PNPLA3: variants seen among roughly 807,000 people sequenced by gnomAD.
The protein encoded by PNPLA3 is 1-acylglycerol-3-phosphate O-acyltransferase PNPLA3.
Under a neutral mutation model 43.1 loss-of-function variants are expected in PNPLA3, and 42 were observed. That is an observed-to-expected ratio of 0.97 (90% CI 0.76 to 1.26). The LOEUF (loss-of-function observed/expected upper bound fraction) is 1.26, where lower values mean the gene tolerates loss of function less well. Among genes scored for constraint, PNPLA3 ranks in the 50% most tolerant of loss-of-function variants. The pLI is 0.00. For synonymous variants in PNPLA3, 272 were observed against 253.6 expected, an observed-to-expected ratio of 1.07 and a Z score of -0.69; for missense variants, 647 against 621.4, an observed-to-expected ratio of 1.04 and a Z score of -0.44.
At position 43,947,043 on chromosome 22, in the gene PNPLA3, T is replaced by A. The variant is rs1474962802; in HGVS notation, c.*661T>A. The A allele has an allele frequency of 8.6e-6, 2 of 233,628 alleles. No individual in the cohort carries two copies. Among genetic ancestry groups the A allele is most frequent in the Non-Finnish European group, 1.7e-5 (2 of 119,246 alleles). The allele number at this position is 233,628 out of a possible 1,614,324, so 14.5% of individuals were successfully genotyped here. ...TTTTGTATTATGTGAATCAGTGAGA[T>A]GTTAGTAGAATAAGCCTTAAAAAAA... On this transcript the variant is annotated 3_prime_UTR_variant, in exon 9 of 9. Coordinates refer to ENST00000216180, the MANE Select transcript of PNPLA3 (RefSeq NM_025225.3).
chr22:43,928,179 G>A (rs567072838), intron 2 of PNPLA3, among the ~76,000 whole-genome samples: 11 of 152,312 alleles, frequency 7.2e-5, no homozygotes, highest in South Asian at 2.1e-4. Flanking sequence ...GCAGCCTGGC[G>A]CGTCTAACCT....
In PNPLA3 at chr22:43,933,173, C is replaced by A. The variant is rs1603416406; in HGVS notation, c.696+86C>A. ...GCCAGGAGCTACCAGTTACTGTCTG[C>A]ACAATCAAACAGAAATAGACCTGTC... On this transcript the variant is annotated intron_variant, in intron 4 of 8. Coordinates refer to ENST00000216180, the MANE Select transcript of PNPLA3 (RefSeq NM_025225.3). 4.0e-6 allele frequency: 5 copies of A among 1,259,250 alleles called. No homozygotes were observed. In the East Asian group the frequency reaches 9.3e-5, roughly 23 times the overall value. The allele number at this position is 1,259,250 out of a possible 1,614,324, so 78.0% of individuals were successfully genotyped here.
Position 43,946,397 on chromosome 22 carries a change from C to G in PNPLA3, c.*15C>G, listed in dbSNP as rs368899768. ...AGAGTCTGTGAGTCACTTGAGGAGG[C>G]GAGTCTAGCAGATTCTTTCAGAGGT... On this transcript the variant is annotated 3_prime_UTR_variant, in exon 9 of 9. Coordinates refer to ENST00000216180, the MANE Select transcript of PNPLA3 (RefSeq NM_025225.3). 1.1e-5 allele frequency: 17 copies of G among 1,607,710 alleles called. No homozygotes were observed. In the African/African-American group the frequency reaches 2.3e-4, roughly 22 times the overall value.
At chr22:43,945,323 C>T (rs1486217626) in intron 8 of PNPLA3, among the ~76,000 whole-genome samples, 3 of 152,092 alleles carry the variant, frequency 2.0e-5, no homozygotes, top group South Asian at 2.1e-4. Context: ...TAGCAGTCTG[C>T]GTTGACAGGC....
In PNPLA3 at chr22:43,947,051, G is replaced by A. The variant is rs2050068375; in HGVS notation, c.*669G>A. The stretch of plus-strand genomic sequence containing the variant: ...TATGTGAATCAGTGAGATGTTAGTA[G>A]AATAAGCCTTAAAAAAAAAAAAATC... On this transcript the variant is annotated 3_prime_UTR_variant, in exon 9 of 9. Transcript: ENST00000216180. 4.9e-6 allele frequency: 1 copy of A among 204,532 alleles called. No homozygotes were observed. The highest frequency in any genetic ancestry group is 9.6e-6 in the Non-Finnish European group (1 of 104,674). The allele number at this position is 204,532 out of a possible 1,614,324, so 12.7% of individuals were successfully genotyped here.
intron 7 of PNPLA3, among the ~76,000 whole-genome samples, chr22:43,940,413 C>T (rs1200131407): frequency 6.6e-6 from 1 of 152,220 alleles, no homozygotes; most frequent in Non-Finnish European, 1.5e-5. Flanking sequence ...AAACTGAGGC[C>T]TGGAGAGCTT....
chr22:43,937,017 C>T lies in PNPLA3; in HGVS notation c.758-34C>T, dbSNP rs201840141. On this transcript the variant is annotated intron_variant, in intron 5 of 8. Coordinates refer to ENST00000216180, the MANE Select transcript of PNPLA3 (RefSeq NM_025225.3). The stretch of plus-strand genomic sequence containing the variant: ...GGGTAACGACCACCACTCCCACGTT[C>T]GCCTGATGGGCTTGTTTTCCGTGCC... 3.2e-5 allele frequency: 51 copies of T among 1,579,336 alleles called. No individual in the cohort carries two copies. The Admixed American group carries it at 5.7e-4, about 18-fold the overall frequency.
At chr22:43,933,399 G>T (rs771518352) in intron 4 of PNPLA3, among the ~76,000 whole-genome samples, 24 of 151,596 alleles carry the variant, frequency 1.6e-4, no homozygotes, top group Non-Finnish European at 2.5e-4. Context: ...TTTTTGGTTT[G>T]TTTTTGAGAC....
chr22:43,941,622 A>G (rs1342487492), intron 7 of PNPLA3, among the ~76,000 whole-genome samples: 2 of 152,156 alleles, frequency 1.3e-5, no homozygotes, highest in Non-Finnish European at 2.9e-5. Context: ...TGATCGTAAA[A>G]TTAGAGACAG....
intron 5 of PNPLA3, among the ~76,000 whole-genome samples, chr22:43,935,530 A>C (rs888283964): frequency 1.3e-5 from 2 of 152,124 alleles, no homozygotes; most frequent in Non-Finnish European, 2.9e-5. Flanking sequence ...GCCCAGGGGA[A>C]GAAGGGCCTC....
At chr22:43,929,202 G>A (rs563241835) in intron 3 of PNPLA3, among the ~76,000 whole-genome samples, 8 of 152,230 alleles carry the variant, frequency 5.3e-5, no homozygotes, top group South Asian at 2.1e-4. Context: ...TTGGCCAGGC[G>A]CGGTGGCTCA....
In PNPLA3 at chr22:43,924,012, C is replaced by G. The variant is rs538742792; in HGVS notation, c.101C>G (p.Pro34Arg). The change falls in exon 1 of 9, where the codon CCG becomes CGG. Residue 34 changes from proline (P) to arginine (R), a missense_variant. Physicochemically the swap from Pro to Arg is moderately radical, Grantham distance 103. Transcript: ENST00000216180. ...ACCCGCTGCCTGAGCGAGCACGCCC[C>G]GCACCTCCTCCGCGACGCGCGCATG... ...GATRCLSEHAPHLLRDARMLF... is the reference protein window; with the variant it reads ...GATRCLSEHARHLLRDARMLF... 6.1e-5 allele frequency: 96 copies of G among 1,584,368 alleles called. No homozygotes were observed. In the South Asian group the frequency reaches 9.8e-4, roughly 16 times the overall value.
intron 6 of PNPLA3, among the ~76,000 whole-genome samples, chr22:43,938,907 G>C (rs2050013363): frequency 6.6e-6 from 1 of 152,164 alleles, no homozygotes; most frequent in Non-Finnish European, 1.5e-5. Context: ...TGTGACGTTT[G>C]ATGTAGCTGT....
intron 6 of PNPLA3, among the ~76,000 whole-genome samples, chr22:43,938,875 G>A (rs2050013178): frequency 6.6e-6 from 1 of 152,232 alleles, no homozygotes; most frequent in South Asian, 2.1e-4. Flanking sequence ...TGCCTGAGAA[G>A]TACCTAGGAG....
Position 43,933,061 on chromosome 22 carries a change from A to G in PNPLA3, c.670A>G (p.Arg224Gly). The G allele has an allele frequency of 1.9e-6, 3 of 1,613,900 alleles. No individual in the cohort carries two copies. The highest frequency in any genetic ancestry group is 2.5e-6 in the Non-Finnish European group (3 of 1,180,016). ...CACAGGGAACCTCTACCTTCTCTCG[A>G]GAGCTTTTGTCCCCCCGGATCTCAA... The part of the protein sequence containing the change: ...LCTGNLYLLS[R>G]AFVPPDLKVL... Residue 224 changes from arginine (R) to glycine (G), a missense_variant, in exon 4 of 9, where the codon AGA (arginine) becomes GGA (glycine). Physicochemically the swap from Arg to Gly is moderately radical, Grantham distance 125 (BLOSUM62 -2). Coordinates refer to ENST00000216180, the MANE Select transcript of PNPLA3 (RefSeq NM_025225.3).
At position 43,939,859 on chromosome 22, in the gene PNPLA3, C is replaced by T. The variant is rs866969569; in HGVS notation, c.980-134C>T. 2.2e-4 allele frequency: 272 copies of T among 1,243,446 alleles called. 1 individual carries two copies. In the Middle Eastern group the frequency reaches 3.7e-3, roughly 17 times the overall value. 77.0% of individuals were successfully genotyped at this position (1,243,446 alleles called of 1,614,324 possible). Reference sequence around the variant, plus strand: ...AGCAGCTTGGCAAACCCCACCTTGTCGCTTTTGTGAGTGCCTCTGACCCTT... The same window carrying T: ...AGCAGCTTGGCAAACCCCACCTTGTTGCTTTTGTGAGTGCCTCTGACCCTT... On this transcript the variant is annotated intron_variant, in intron 6 of 8. Coordinates refer to ENST00000216180, the MANE Select transcript of PNPLA3 (RefSeq NM_025225.3).
chr22:43,934,560 G>T (rs2146782906), intron 4 of PNPLA3, 46 bp from the exon 5 acceptor site: 10 of 1,533,284 alleles, frequency 6.5e-6, no homozygotes, highest in East Asian at 2.3e-5. Flanking sequence ...AATAAATGGT[G>T]CTTGGTGTCT....
At position 43,934,676 on chromosome 22, in the gene PNPLA3, G is replaced by A. The variant is rs1330304187; in HGVS notation, c.757+10G>A. ...TTCTTGGAAGAGAAGGGTATGTATG[G>A]GCTGGGAGGATCAGCCATGCCCTTT... On this transcript the variant is annotated intron_variant, in intron 5 of 8. Coordinates refer to ENST00000216180, the MANE Select transcript of PNPLA3 (RefSeq NM_025225.3). The A allele has an allele frequency of 6.2e-7, 1 of 1,607,608 alleles. No homozygotes were observed. Among genetic ancestry groups the A allele is most frequent in the African/African-American group, 1.3e-5 (1 of 74,742 alleles).
intron 8 of PNPLA3, 33 bp from the exon 9 acceptor site, chr22:43,946,121 G>T: frequency 6.3e-7 from 1 of 1,597,278 alleles, no homozygotes; most frequent in East Asian, 2.2e-5. Flanking sequence ...CAGCGGGAAC[G>T]GCCTCTAAGC....
Sources: allele counts gnomAD v4.1 joint callset (sites outside exome capture counted in the v4.1 genomes callset), GRCh38; gene constraint gnomAD v4.1.1; transcripts MANE v1.5; gene names NCBI Gene and HGNC (gene_info 2026-07-23, HGNC 2026-07-21).